The following AUH variants were observed in gnomAD, a reference collection of about 807,000 sequenced individuals.
The protein encoded by AUH is AU RNA binding methylglutaconyl-CoA hydratase, also known as methylglutaconyl-CoA hydratase, mitochondrial.
In AUH, 29 loss-of-function variants were observed where a neutral mutation model predicts 42.3. That is an observed-to-expected ratio of 0.69 (90% CI 0.51 to 0.93). The LOEUF (loss-of-function observed/expected upper bound fraction) is 0.93. Ranked by LOEUF, AUH falls within the 40% of genes least tolerant of loss-of-function variation. The probability of loss-of-function intolerance (pLI) is 0.00; values close to 1 mark genes in which losing one functional copy is unlikely to be tolerated. For synonymous variants in AUH, 174 were observed against 166.4 expected (o/e 1.05, Z -0.35); for missense variants, 452 against 438.1 (o/e 1.03, Z -0.28).
At chr9:91,231,188 T>C (rs888122902) in intron 6 of AUH, among the ~76,000 whole-genome samples, 1 of 152,158 alleles carries the variant, frequency 6.6e-6, no homozygotes, top group African/African-American at 2.4e-5. Flanking sequence ...ACTGCTGTGC[T>C]AGCAATCAGC....
At chr9:91,246,757 C>A (rs895792697) in intron 6 of AUH, among the ~76,000 whole-genome samples, 1 of 152,186 alleles carries the variant, frequency 6.6e-6, no homozygotes, top group African/African-American at 2.4e-5. Context: ...AGAGAATAGG[C>A]ATAAAGGATA....
intron 6 of AUH, among the ~76,000 whole-genome samples, chr9:91,249,509 C>T (rs1323230743): frequency 6.6e-6 from 1 of 151,742 alleles, no homozygotes; most frequent in Non-Finnish European, 1.5e-5. Context: ...GTTGTTTGTT[C>T]GGTAGTTTTT....
chr9:91,360,761 A>G (rs950336989), intron 1 of AUH, among the ~76,000 whole-genome samples: 12 of 152,178 alleles, frequency 7.9e-5, no homozygotes. Context: ...ACTAAAACCA[A>G]TCACGACTTA....
At chr9:91,215,966 T>C (rs1443757594) in intron 9 of AUH, 93 bp downstream of exon 9, 2 of 1,341,530 alleles carry the variant, frequency 1.5e-6, no homozygotes, top group East Asian at 4.6e-5. Context: ...GGCGCAAGGG[T>C]AATCTTGCTC....
chr9:91,294,497 G>A (rs867613255), intron 6 of AUH, among the ~76,000 whole-genome samples: 3 of 151,690 alleles, frequency 2.0e-5, no homozygotes, highest in Admixed American at 6.6e-5. Flanking sequence ...GCAGTGAGCC[G>A]AGATCACACC....
intron 6 of AUH, among the ~76,000 whole-genome samples, chr9:91,246,075 A>C (rs1828777676): frequency 6.6e-6 from 1 of 151,616 alleles, no homozygotes; most frequent in Non-Finnish European, 1.5e-5. Flanking sequence ...GCCTGGGAAA[A>C]GATATTTACA....
chr9:91,287,835 T>C (rs1270624482), intron 6 of AUH, among the ~76,000 whole-genome samples: 3 of 152,038 alleles, frequency 2.0e-5, no homozygotes, highest in African/African-American at 7.2e-5. Flanking sequence ...GGTGTGATAA[T>C]AGTGTTGATT....
chr9:91,360,768 C>G (rs1031428670), intron 1 of AUH, among the ~76,000 whole-genome samples: 1 of 152,224 alleles, frequency 6.6e-6, no homozygotes, highest in Non-Finnish European at 1.5e-5. Flanking sequence ...CCAATCACGA[C>G]TTACACGCTT....
intron 6 of AUH, among the ~76,000 whole-genome samples, chr9:91,225,482 A>T (rs1423863937): frequency 1.3e-5 from 2 of 152,200 alleles, no homozygotes; most frequent in Non-Finnish European, 2.9e-5. Flanking sequence ...AGATTAGATG[A>T]TATAATCTGC....
At chr9:91,218,827 A>T in intron 7 of AUH, 1 of 985,414 alleles carries the variant, frequency 1.0e-6, no homozygotes, top group Non-Finnish European at 1.2e-6. Flanking sequence ...GCAACAAAGT[A>T]ACAAACATAA....
intron 3 of AUH, among the ~76,000 whole-genome samples, chr9:91,347,339 G>C (rs1189431420): frequency 1.3e-5 from 2 of 152,120 alleles, no homozygotes; most frequent in Non-Finnish European, 2.9e-5. Context: ...TTACAGGCAT[G>C]AGCCACCGTG....
chr9:91,249,025 G>T (rs1045345612), intron 6 of AUH, among the ~76,000 whole-genome samples: 1 of 152,016 alleles, frequency 6.6e-6, no homozygotes, highest in African/African-American at 2.4e-5. Flanking sequence ...GGCCAGGCAC[G>T]GTGGCTTACA....
intron 6 of AUH, among the ~76,000 whole-genome samples, chr9:91,263,938 C>A (rs1829832243): frequency 6.6e-6 from 1 of 152,152 alleles, no homozygotes; most frequent in South Asian, 2.1e-4. Context: ...ACCAAGTCCA[C>A]CATGTATATC....
chr9:91,354,367 C>A (rs1049814074), intron 3 of AUH, among the ~76,000 whole-genome samples: 2 of 151,970 alleles, frequency 1.3e-5, no homozygotes, highest in Non-Finnish European at 2.9e-5. Flanking sequence ...GCACATAAAG[C>A]AAAGTAAATA....
chr9:91,311,836 C>T (rs1258378302), intron 4 of AUH, among the ~76,000 whole-genome samples: 2 of 152,192 alleles, frequency 1.3e-5, no homozygotes, highest in Non-Finnish European at 2.9e-5. Flanking sequence ...CTGATAATTT[C>T]ATTGCTGTGT....
intron 4 of AUH, among the ~76,000 whole-genome samples, chr9:91,313,706 C>T (rs1384683654): frequency 1.8e-5 from 2 of 110,428 alleles, no homozygotes; most frequent in East Asian, 2.6e-4. Flanking sequence ...AGCGAGACTC[C>T]GTCTCAAAAA....
intron 6 of AUH, among the ~76,000 whole-genome samples, chr9:91,228,147 C>G (rs948226308): frequency 1.3e-5 from 2 of 151,764 alleles, no homozygotes; most frequent in African/African-American, 2.4e-5. Context: ...CCTCCTTGTA[C>G]CTCTGGTAGA....
At chr9:91,259,809 T>C (rs77403089) in intron 6 of AUH, among the ~76,000 whole-genome samples, 1 of 152,098 alleles carries the variant, frequency 6.6e-6, no homozygotes, top group Admixed American at 6.5e-5. Context: ...TATGTCAGTT[T>C]TTTAAATTTG....
chr9:91,317,492 T>C (rs185512509), intron 4 of AUH, among the ~76,000 whole-genome samples: 41 of 152,360 alleles, frequency 2.7e-4, no homozygotes, highest in African/African-American at 8.2e-4. Context: ...AGAAAGGCAA[T>C]TGATTATTCT....
Sources: allele counts gnomAD v4.1 joint callset (sites outside exome capture counted in the v4.1 genomes callset), GRCh38; gene constraint gnomAD v4.1.1; transcripts MANE v1.5; gene names NCBI Gene and HGNC (gene_info 2026-07-23, HGNC 2026-07-21).